PSPH: variants seen among roughly 807,000 people sequenced by gnomAD.
The protein encoded by PSPH is phosphoserine phosphatase, also known as L-3-phosphoserine phosphatase.
Under a neutral mutation model 23.4 loss-of-function variants are expected in PSPH, and 16 were observed. That is an observed-to-expected ratio of 0.68 (90% CI 0.46 to 1.04). The LOEUF is 1.04. Among genes scored for constraint, PSPH ranks in the 50% least tolerant of loss-of-function variants. The pLI is 0.00. For synonymous variants in PSPH, 68 were observed against 99.7 expected, an observed-to-expected ratio of 0.68 and a Z score of 1.89; for missense variants, 223 against 273.7, an observed-to-expected ratio of 0.81 and a Z score of 1.31.
chr7:56,027,651 C>A (rs1181270149), intron 3 of PSPH, among the ~76,000 whole-genome samples: 1 of 147,692 alleles, frequency 6.8e-6, no homozygotes, highest in Non-Finnish European at 1.5e-5. Flanking sequence ...CCCACCACTG[C>A]ACTCCAGCCT....
chr7:56,045,209 G>A (rs1160660127), intron 1 of PSPH, among the ~76,000 whole-genome samples: 2 of 152,100 alleles, frequency 1.3e-5, no homozygotes, highest in African/African-American at 4.8e-5. Context: ...AATGAATGAT[G>A]AAAGCAGAAA....
intron 6 of PSPH, among the ~76,000 whole-genome samples, chr7:56,015,498 A>G (rs1788449229): frequency 6.6e-6 from 1 of 152,062 alleles, no homozygotes; most frequent in African/African-American, 2.4e-5. Context: ...CATCACACCT[A>G]GCCAACCTTT....
At chr7:56,046,969 C>T (rs1305565690) in intron 1 of PSPH, among the ~76,000 whole-genome samples, 1 of 152,014 alleles carries the variant, frequency 6.6e-6, no homozygotes, top group Non-Finnish European at 1.5e-5. Context: ...TGAGAAAAGC[C>T]CCAGATAAAG....
At chr7:56,045,145 TGGA>T (rs1335034788) in intron 1 of PSPH, among the ~76,000 whole-genome samples, 1 of 151,284 alleles carries the variant, frequency 6.6e-6, no homozygotes, top group Non-Finnish European at 1.5e-5. Flanking sequence ...CAGTCATTCA[TGGA>T]GGAGAAGGGA....
chr7:56,031,217 C>CAA (rs781209477), intron 3 of PSPH, among the ~76,000 whole-genome samples: 50 of 112,598 alleles, frequency 4.4e-4, no homozygotes, highest in East Asian at 1.2e-3. Context: ...GACTCCGTCT[C>CAA]AAAAAAAAAA....
intron 1 of PSPH, among the ~76,000 whole-genome samples, chr7:56,036,485 T>TTTACTAAAAA (rs1791739967): frequency 1.3e-5 from 2 of 151,944 alleles, no homozygotes; most frequent in Admixed American, 1.3e-4. Flanking sequence ...AAAATCTGGC[T>TTTACTAAAAA]GGGTGTGGTG....
chr7:56,032,721 AGG>A (rs1218874496), intron 2 of PSPH, among the ~76,000 whole-genome samples: 1 of 151,608 alleles, frequency 6.6e-6, no homozygotes, highest in Non-Finnish European at 1.5e-5. Context: ...GAGGCCGAGG[AGG>A]GAGGACTGCT....
intron 2 of PSPH, chr7:56,033,114 G>C (rs375340866): frequency 5.3e-5 from 8 of 151,990 alleles, no homozygotes; most frequent in South Asian, 2.1e-4. Context: ...CAGAAATCTT[G>C]GATTTTATTA....
At chr7:56,012,093 G>T (rs1003803178) in intron 7 of PSPH, among the ~76,000 whole-genome samples, 1 of 151,590 alleles carries the variant, frequency 6.6e-6, no homozygotes, top group Non-Finnish European at 1.5e-5. Context: ...TTTTTGTAGG[G>T]TCTTGCTATG....
At chr7:56,024,035 TCCTG>T in intron 3 of PSPH, among the ~76,000 whole-genome samples, 1 of 152,148 alleles carries the variant, frequency 6.6e-6, no homozygotes, top group Admixed American at 6.6e-5. Context: ...CACGCCATTC[TCCTG>T]CCTCAGCCTC....
intron 1 of PSPH, among the ~76,000 whole-genome samples, chr7:56,043,661 CA>C (rs1792847173): frequency 7.7e-6 from 1 of 129,960 alleles, no homozygotes; most frequent in African/African-American, 2.8e-5. Flanking sequence ...CCACCCACCC[CA>C]ACCCCTGTCT....
At chr7:56,022,189 G>T (rs1402245047) in intron 3 of PSPH, among the ~76,000 whole-genome samples, 4 of 152,002 alleles carry the variant, frequency 2.6e-5, no homozygotes, top group Non-Finnish European at 5.9e-5. Context: ...CAAAAAATTA[G>T]CTGAGCATAG....
chr7:56,035,665 G>T (rs537400675), intron 1 of PSPH, among the ~76,000 whole-genome samples: 1 of 151,800 alleles, frequency 6.6e-6, no homozygotes, highest in Admixed American at 6.6e-5. Flanking sequence ...TGTTGCCCAG[G>T]CTGGAGTGCA....
chr7:56,021,936 C>T (rs1334332076), intron 3 of PSPH, among the ~76,000 whole-genome samples: 2 of 125,214 alleles, frequency 1.6e-5, no homozygotes, highest in South Asian at 2.5e-4. Flanking sequence ...GGCGACAAAG[C>T]GAGACTCCGT....
chr7:56,038,282 CAAAAAATACAA>C (rs1288194100), intron 1 of PSPH, among the ~76,000 whole-genome samples: 1 of 72,190 alleles, frequency 1.4e-5, no homozygotes, highest in Non-Finnish European at 2.8e-5. Flanking sequence ...ACTAAAAATA[CAAAAAATACAA>C]AAAAAAAAAA....
chr7:56,033,053 G>A (rs1003231209), intron 2 of PSPH: 11 of 152,060 alleles, frequency 7.2e-5, no homozygotes, highest in African/African-American at 1.9e-4. Flanking sequence ...CGACATGAAA[G>A]TGACAGGGCT....
intron 1 of PSPH, among the ~76,000 whole-genome samples, chr7:56,034,695 T>C (rs1411369842): frequency 6.6e-6 from 1 of 152,000 alleles, no homozygotes; most frequent in Non-Finnish European, 1.5e-5. Context: ...TTTTGTATTT[T>C]TTAATAGAGA....
At chr7:56,034,948 G>T (rs1350636822) in intron 1 of PSPH, among the ~76,000 whole-genome samples, 2 of 151,724 alleles carry the variant, frequency 1.3e-5, no homozygotes, top group African/African-American at 2.4e-5. Flanking sequence ...TGTTTCCCAG[G>T]CTGGGCTCAA....
chr7:56,036,995 G>A (rs7791221), intron 1 of PSPH, among the ~76,000 whole-genome samples: 28,580 of 151,986 alleles, frequency 0.19, 2,897 homozygotes, highest in African/African-American at 0.24. Flanking sequence ...CCAACATGGC[G>A]AAACCCCATC....
Sources: allele counts gnomAD v4.1 joint callset (sites outside exome capture counted in the v4.1 genomes callset), GRCh38; gene constraint gnomAD v4.1.1; transcripts MANE v1.5; gene names NCBI Gene and HGNC (gene_info 2026-07-23, HGNC 2026-07-21).